Variants in DHX29 observed in about 807,000 individuals in gnomAD.
DHX29 encodes the protein ATP-dependent RNA helicase DHX29.
In DHX29, 79 loss-of-function variants were observed where a neutral mutation model predicts 167.9. The ratio of observed to expected loss-of-function variants is 0.47; its 90% CI spans 0.39 to 0.57. The LOEUF is 0.57. Ranked by LOEUF, DHX29 falls within the 20% of genes least tolerant of loss-of-function variation. The pLI, the probability that DHX29 is intolerant of heterozygous loss-of-function variation, is 0.00. For missense variants in DHX29, 1,347 were observed against 1,593.4 expected, an observed-to-expected ratio of 0.85 and a Z score of 2.63; for synonymous variants, 530 against 546.0, an observed-to-expected ratio of 0.97 and a Z score of 0.41.
chr5:55,290,325 A>G lies in DHX29; in HGVS notation c.800T>C (p.Leu267Pro). The stretch of plus-strand genomic sequence containing the variant: ...TTTTGCATCCAGCAGTTTTGCTGCA[A>G]GATGTAAGTACCTTTCATTCTGTTC... ...KFDPNERYLHLAAKLLDAKEQ... is the reference protein window; with the variant it reads ...KFDPNERYLHPAAKLLDAKEQ... The change falls in exon 7 of 27, where the codon CTT (leucine) becomes CCT (proline). Residue 267 changes from leucine (L) to proline (P), a missense_variant. Leu to Pro is a moderately conservative substitution (Grantham distance 98). Coordinates refer to ENST00000251636, the MANE Select transcript of DHX29 (RefSeq NM_019030.4). 6.2e-7 allele frequency: 1 copy of G among 1,609,924 alleles called. No homozygotes were observed. The highest frequency in any genetic ancestry group is 1.1e-5 in the South Asian group (1 of 90,268).
Position 55,273,392 on chromosome 5 carries a change from C to G in DHX29, c.2691-15G>C, listed in dbSNP as rs1579769947. 6.5e-7 allele frequency: 1 copy of G among 1,538,042 alleles called. No individual in the cohort carries two copies. On this transcript the variant is annotated splice_polypyrimidine_tract_variant and intron_variant, in intron 16 of 26. Transcript: ENST00000251636. ...TCACTTTATATCTGAAAGTTAAAATCATAGTTCTTAGCAAGAGTTTCTCTT... is the reference window on the plus strand; with the variant it reads ...TCACTTTATATCTGAAAGTTAAAATGATAGTTCTTAGCAAGAGTTTCTCTT...
rs766829603 is a variant in DHX29, at chr5:55,267,153, T to G, written c.3510A>C (p.Ser1170=). ...TAAGAATTACCTCTAGGGTTAACAGTGATGTTCTATTAAGAAAGTTCCTCC... is the reference window on the plus strand; with the variant it reads ...TAAGAATTACCTCTAGGGTTAACAGGGATGTTCTATTAAGAAAGTTCCTCC... The part of the protein sequence containing the change: ...YCRRNFLNRT[S]LLTLEDVKQE... The change falls in exon 23 of 27, where the codon TCA becomes TCC. Residue 1170 remains serine, a synonymous_variant. Coordinates refer to ENST00000251636, the MANE Select transcript of DHX29 (RefSeq NM_019030.4). 5.6e-6 allele frequency: 9 copies of G among 1,609,698 alleles called. No individual in the cohort carries two copies. The highest frequency in any genetic ancestry group is 6.8e-6 in the Non-Finnish European group (8 of 1,176,620).
At chr5:55,305,106 T>G (rs915506878) in intron 1 of DHX29, among the ~76,000 whole-genome samples, 2 of 152,206 alleles carry the variant, frequency 1.3e-5, no homozygotes, top group Non-Finnish European at 2.9e-5. Flanking sequence ...TGGGGAAATG[T>G]TAACACATAT....
In DHX29 at chr5:55,296,356, C is replaced by T; in HGVS notation, c.376-7G>A. 6.2e-7 allele frequency: 1 copy of T among 1,605,644 alleles called. No individual in the cohort carries two copies. The highest frequency in any genetic ancestry group is 1.1e-5 in the South Asian group (1 of 88,814). Reference sequence around the variant, plus strand: ...GTAAAGCCATGTATAAATCCTATGACAAGCAAATATAAAAAAAGTCACATT... The same window carrying T: ...GTAAAGCCATGTATAAATCCTATGATAAGCAAATATAAAAAAAGTCACATT... On this transcript the variant is annotated splice_polypyrimidine_tract_variant and splice_region_variant and intron_variant, in intron 3 of 26. Coordinates refer to ENST00000251636, the MANE Select transcript of DHX29 (RefSeq NM_019030.4).
intron 26 of DHX29, among the ~76,000 whole-genome samples, chr5:55,257,373 AAGAG>A (rs1179619569): frequency 6.6e-6 from 1 of 152,188 alleles, no homozygotes. Context: ...GGAGGGGAAA[AAGAG>A]AGGTCACTTG....
At chr5:55,286,602 C>T (rs1747743789) in intron 8 of DHX29, among the ~76,000 whole-genome samples, 1 of 152,188 alleles carries the variant, frequency 6.6e-6, no homozygotes, top group Non-Finnish European at 1.5e-5. Flanking sequence ...CTATTCTTTG[C>T]CTATTTGTTG....
At chr5:55,292,393 G>A (rs775306272) in intron 6 of DHX29, among the ~76,000 whole-genome samples, 2 of 152,084 alleles carry the variant, frequency 1.3e-5, no homozygotes, top group Non-Finnish European at 2.9e-5. Flanking sequence ...CTTTACAAAT[G>A]TCTCTCTTCC....
chr5:55,303,249 T>G (rs1748695800), intron 1 of DHX29, among the ~76,000 whole-genome samples: 1 of 152,210 alleles, frequency 6.6e-6, no homozygotes, highest in Non-Finnish European at 1.5e-5. Context: ...TTTGAGTTGT[T>G]AGCACTCTGA....
At position 55,274,847 on chromosome 5, in the gene DHX29, A is replaced by G. The variant is rs1747025939; in HGVS notation, c.2572+19T>C. 1.9e-6 allele frequency: 3 copies of G among 1,606,738 alleles called. No homozygotes were observed. The highest frequency in any genetic ancestry group is 2.2e-5 in the South Asian group (2 of 89,402). Reference sequence around the variant, plus strand: ...GTTTTATCAAATCAAATGGAGACCCATTAGAAATAGAAATATACCTAAGTA... The same window carrying G: ...GTTTTATCAAATCAAATGGAGACCCGTTAGAAATAGAAATATACCTAAGTA... On this transcript the variant is annotated intron_variant, in intron 15 of 26. Coordinates refer to ENST00000251636, the MANE Select transcript of DHX29 (RefSeq NM_019030.4).
In DHX29 at chr5:55,298,987, G is replaced by A. The variant is rs573183203; in HGVS notation, c.188-323C>T. On this transcript the variant is annotated intron_variant, in intron 1 of 26. Transcript: ENST00000251636. Reference sequence around the variant, plus strand: ...GGAGCTTGCAGTGAGCCGAGATTGCGCCACTGCAGTCCGCAGTCCGGCCTG... The same window carrying A: ...GGAGCTTGCAGTGAGCCGAGATTGCACCACTGCAGTCCGCAGTCCGGCCTG... Among the ~76,000 whole-genome samples the A allele has an allele frequency of 1.4e-4, 19 of 139,814 alleles. 1 individual carries two copies. The South Asian group carries it at 3.8e-3, about 28-fold the overall frequency. 91.7% of individuals were successfully genotyped at this position (139,814 alleles called of 152,430 possible).
chr5:55,279,233 G>C (rs979728705), intron 12 of DHX29, among the ~76,000 whole-genome samples: 5 of 152,146 alleles, frequency 3.3e-5, no homozygotes, highest in South Asian at 2.1e-4. Context: ...GGATGTGGGA[G>C]AAAGAAGGAA....
At chr5:55,281,651 G>T in intron 11 of DHX29, 136 bp from the exon 12 acceptor site, 1 of 444,268 alleles carries the variant, frequency 2.3e-6, no homozygotes, top group Non-Finnish European at 3.8e-6. Flanking sequence ...TATTATATTA[G>T]TAATTATTAG....
At position 55,270,587 on chromosome 5, in the gene DHX29, G is replaced by A; in HGVS notation, c.2984C>T (p.Thr995Ile). 2 of 1,614,094 alleles carry A rather than the reference G, an allele frequency of 1.2e-6. No individual in the cohort carries two copies. The highest frequency in any genetic ancestry group is 1.7e-6 in the Non-Finnish European group (2 of 1,180,008). ...VRDGFCFRMY[T>I]RERFEGFMDY... ...CAGTGCTATGCCATACCTTTCTCTT[G>A]TGTACATTCGGAAACAGAAGCCATC... The change falls in exon 19 of 27, where the codon ACA (threonine) becomes ATA (isoleucine). Residue 995 changes from threonine (T) to isoleucine (I), a missense_variant. By Grantham distance (89) the Thr-to-Ile change is moderately conservative. Around this residue, in one of 3 missense-constraint regions of DHX29, gnomAD observed 882 missense variants for 1,082.4 expected, o/e 0.81. Transcript: ENST00000251636.
intron 18 of DHX29, among the ~76,000 whole-genome samples, chr5:55,271,302 G>T (rs1746842262): frequency 6.6e-6 from 1 of 152,138 alleles, no homozygotes; most frequent in African/African-American, 2.4e-5. Flanking sequence ...TACCTATTAG[G>T]TTCCAGTTAC....
intron 11 of DHX29, among the ~76,000 whole-genome samples, chr5:55,282,755 A>G (rs1747498282): frequency 6.6e-6 from 1 of 152,018 alleles, no homozygotes; most frequent in Non-Finnish European, 1.5e-5. Context: ...TTTTTTTTAA[A>G]TATGGGGTTG....
chr5:55,297,381 TTTG>T lies in DHX29; in HGVS notation c.276_278del (p.Asn92del), dbSNP rs762386384. The T allele has an allele frequency of 3.9e-5, 59 of 1,504,992 alleles. No individual in the cohort carries two copies. The highest frequency in any genetic ancestry group is 5.0e-5 in the Non-Finnish European group (54 of 1,084,394). 93.2% of individuals were successfully genotyped at this position (1,504,992 alleles called of 1,614,324 possible). On this transcript the variant is annotated inframe_deletion, in exon 3 of 27. Coordinates refer to ENST00000251636, the MANE Select transcript of DHX29 (RefSeq NM_019030.4). ...TCACTCCAATAATTCTTTGCTCTAGTTTGTTATTAATTACCACCTGTTGAGGCC... is the reference window on the plus strand; with the variant it reads ...TCACTCCAATAATTCTTTGCTCTAGTTTATTAATTACCACCTGTTGAGGCC...
intron 3 of DHX29, 36 bp from the exon 4 acceptor site, chr5:55,296,385 C>G (rs1290187688): frequency 6.3e-7 from 1 of 1,589,228 alleles, no homozygotes; most frequent in South Asian, 1.2e-5. Context: ...TCACATTTGT[C>G]AAAGTTCCCT....
intron 21 of DHX29, among the ~76,000 whole-genome samples, chr5:55,268,456 G>A (rs1412051622): frequency 6.6e-6 from 1 of 152,068 alleles, no homozygotes; most frequent in Non-Finnish European, 1.5e-5. Context: ...ACAGAGTCTT[G>A]TTCTGTTGCC....
intron 23 of DHX29, among the ~76,000 whole-genome samples, chr5:55,263,254 T>C (rs1746395908): frequency 6.6e-6 from 1 of 152,112 alleles, no homozygotes; most frequent in Non-Finnish European, 1.5e-5. Context: ...TCTCTGGAGA[T>C]TTTTACTCAA....
Sources: allele counts gnomAD v4.1 joint callset (sites outside exome capture counted in the v4.1 genomes callset), GRCh38; gene constraint gnomAD v4.1.1; regional missense constraint gnomAD v4.1.1; transcripts MANE v1.5; gene names NCBI Gene and HGNC (gene_info 2026-07-23, HGNC 2026-07-21).